Variants in NRXN2 observed in about 807,000 individuals in gnomAD.
NRXN2 encodes the protein neurexin-2-beta.
In NRXN2, 29 loss-of-function variants were observed where a neutral mutation model predicts 128.8. The observed-to-expected ratio is 0.23, with a 90% CI of 0.17 to 0.31. NRXN2 has a LOEUF of 0.31. Among genes scored for constraint, NRXN2 ranks in the 10% least tolerant of loss-of-function variants. NRXN2 has a pLI of 1.00. For synonymous variants in NRXN2, 1,098 were observed against 1,075.2 expected (o/e 1.02, Z -0.41); for missense variants, 1,881 against 2,452.6 (o/e 0.77, Z 4.92).
chr11:64,636,766 T>C (rs1451241035), intron 17 of NRXN2, among the ~76,000 whole-genome samples: 1 of 151,124 alleles, frequency 6.6e-6, no homozygotes, highest in East Asian at 2.0e-4. Context: ...CCTGCAGCAC[T>C]TCTAAGGAGC....
At chr11:64,672,273 T>C (rs2050735609) in intron 7 of NRXN2, among the ~76,000 whole-genome samples, 1 of 152,236 alleles carries the variant, frequency 6.6e-6, no homozygotes, top group Non-Finnish European at 1.5e-5. Context: ...GCACCTCCCC[T>C]GTGGCAGGCT....
chr11:64,611,679 C>T (rs2040664326), intron 22 of NRXN2, among the ~76,000 whole-genome samples: 1 of 152,232 alleles, frequency 6.6e-6, no homozygotes, highest in African/African-American at 2.4e-5. Flanking sequence ...GACACACAGG[C>T]TCCTCGGGTC....
At chr11:64,639,722 T>A (rs2045369350) in intron 17 of NRXN2, among the ~76,000 whole-genome samples, 1 of 151,546 alleles carries the variant, frequency 6.6e-6, no homozygotes, top group Non-Finnish European at 1.5e-5. Flanking sequence ...GGGGATGGTG[T>A]GAAGAGAAGA....
chr11:64,680,311 A>C (rs1047331237), intron 6 of NRXN2, among the ~76,000 whole-genome samples: 1 of 152,178 alleles, frequency 6.6e-6, no homozygotes, highest in African/African-American at 2.4e-5. Context: ...TGAGTAAGAG[A>C]AGCTCAGGAC....
At position 64,721,038 on chromosome 11, in the gene NRXN2, A is replaced by G. The variant is rs1444410281; in HGVS notation, c.-245+1933T>C. Among the ~76,000 whole-genome samples the G allele has an allele frequency of 2.6e-5, 4 of 152,028 alleles. No individual in the cohort carries two copies. In the East Asian group the frequency reaches 7.8e-4, roughly 29 times the overall value. On this transcript the variant is annotated intron_variant, in intron 1 of 22. Coordinates refer to ENST00000265459, the MANE Select transcript of NRXN2 (RefSeq NM_015080.4). ...TGTGTGTGTTGTGTACATGGCAGCA[A>G]GGCACCTGGGGGAGGTCTCAAGGAG...
rs977387199 is a variant in NRXN2, at chr11:64,713,882, AGGCGGCGGCGGC to A, written c.-195_-184del. ...AGAGGCCCAGATGCCGGCTTCCCTC[AGGCGGCGGCGGC>A]GGCGCCCCTCCCCCGCCGCGGGCTC... On this transcript the variant is annotated 5_prime_UTR_variant, in exon 2 of 23. Transcript: ENST00000265459. 4.9e-6 allele frequency: 1 copy of A among 202,578 alleles called. No individual in the cohort carries two copies. 12.5% of individuals were successfully genotyped at this position (202,578 alleles called of 1,614,324 possible). A position where few individuals can be genotyped will look rare whatever the true frequency, so the allele number is the denominator to read the frequency against.
chr11:64,652,020 G>A lies in NRXN2; in HGVS notation c.2536+15C>T. ...ACTGGAGATGTGTCCACCTCCCTGG[G>A]CCCAGACCACCTACCCTCCACAGTC... is the stretch of plus-strand genomic sequence containing the variant. On this transcript the variant is annotated intron_variant, in intron 13 of 22. Coordinates refer to ENST00000265459, the MANE Select transcript of NRXN2 (RefSeq NM_015080.4). The A allele has an allele frequency of 6.2e-7, 1 of 1,609,736 alleles. No homozygotes were observed.
chr11:64,671,130 C>T (rs1362415524), intron 7 of NRXN2, among the ~76,000 whole-genome samples: 1 of 152,200 alleles, frequency 6.6e-6, no homozygotes, highest in Non-Finnish European at 1.5e-5. Flanking sequence ...AGATCACTCC[C>T]ATGTGCTCCC....
intron 17 of NRXN2, among the ~76,000 whole-genome samples, chr11:64,636,947 G>T (rs1267811148): frequency 6.6e-6 from 1 of 152,164 alleles, no homozygotes; most frequent in Non-Finnish European, 1.5e-5. Flanking sequence ...GGGAGGGGCT[G>T]CCTGAGTGCT....
At chr11:64,685,313 T>C (rs1168400631) in intron 6 of NRXN2, among the ~76,000 whole-genome samples, 1 of 152,090 alleles carries the variant, frequency 6.6e-6, no homozygotes, top group Non-Finnish European at 1.5e-5. Flanking sequence ...ATCTCCTGAA[T>C]TGCCCTCCTG....
At position 64,685,758 on chromosome 11, in the gene NRXN2, C is replaced by T; in HGVS notation, c.1040G>A (p.Trp347Ter). 1 of 1,614,238 alleles carries T rather than the reference C, an allele frequency of 6.2e-7. No individual in the cohort carries two copies. Among genetic ancestry groups the T allele is most frequent in the Non-Finnish European group, 8.5e-7 (1 of 1,180,032 alleles). The change falls in exon 6 of 23, where the codon TGG becomes TAG. Residue 347 changes from tryptophan (W) to a stop codon, truncating the protein, a stop_gained. Coordinates refer to ENST00000265459, the MANE Select transcript of NRXN2 (RefSeq NM_015080.4). LOFTEE classifies it high-confidence loss of function. The part of the protein sequence containing the change: ...VNLSLKSGAV[W>*]LVINLGSGAF... ...ACCTGAGCCTAGGTTGATGACCAGCCAGACAGCCCCAGACTTGAGGGACAG... is the reference window on the plus strand; with the variant it reads ...ACCTGAGCCTAGGTTGATGACCAGCTAGACAGCCCCAGACTTGAGGGACAG...
rs767424518 is a variant in NRXN2 at position 64,608,012 on chromosome 11, G to A, written c.4323C>T (p.Pro1441=). The A allele has an allele frequency of 9.7e-6, 15 of 1,548,656 alleles. No homozygotes were observed. The East Asian group carries it at 1.1e-4, about 12-fold the overall frequency. The change falls in exon 23 of 23, where the codon CCC becomes CCT. Residue 1441 remains proline (P), a synonymous_variant. Transcript: ENST00000265459. ...LDPPPVATRS[P]FVPPPPTFYP... ...AGAAGGTAGGGGGCGGGGGCACGAA[G>A]GGGGATCGGGTGGCCACGGGAGGGG...
At position 64,648,298 on chromosome 11, in the gene NRXN2, C is replaced by G. The variant is rs2046995438; in HGVS notation, c.3324G>C (p.Gln1108His). The change falls in exon 17 of 23, where the codon CAG becomes CAC. Residue 1108 changes from glutamine to histidine, a missense_variant. Around this residue, in one of 7 missense-constraint regions of NRXN2, gnomAD observed 390 missense variants for 599.6 expected, o/e 0.65. Transcript: ENST00000265459. The surrounding 1 kb of genome is among the most constrained non-coding windows in gnomAD (Gnocchi z 4.1). The part of the protein sequence containing the change: ...TTCTEESCAN[Q>H]GVCLQQWDGF... ...CATCCCACTGCTGCAAGCAGACGCC[C>G]TGGTTGGCACAGGACTCTTCAGTGC... is the stretch of plus-strand genomic sequence containing the variant. 6.2e-7 allele frequency: 1 copy of G among 1,614,116 alleles called. No individual in the cohort carries two copies. Among genetic ancestry groups the G allele is most frequent in the East Asian group, 2.2e-5 (1 of 44,888 alleles).
Position 64,648,864 on chromosome 11 carries a change from G to C in NRXN2, c.3153C>G (p.Asn1051Lys). The change falls in exon 16 of 23, where the codon AAC becomes AAG. Residue 1051 changes from asparagine (N) to lysine (K), a missense_variant. Physicochemically the swap from Asn to Lys is moderately conservative, Grantham distance 94. Coordinates refer to ENST00000265459, the MANE Select transcript of NRXN2 (RefSeq NM_015080.4). The surrounding 1 kb of genome is among the most constrained non-coding windows in gnomAD (Gnocchi z 4.1). ...IGGLSKNMFS[N>K]LPKLVASRDG... Reference sequence around the variant, plus strand: ...CCCGGGAGGCCACCAGCTTGGGCAGGTTGCTGAACATATTCTTGCTCAGAC... The same window carrying C: ...CCCGGGAGGCCACCAGCTTGGGCAGCTTGCTGAACATATTCTTGCTCAGAC... 1 of 1,614,202 alleles carries C rather than the reference G, an allele frequency of 6.2e-7. No homozygotes were observed. The highest frequency in any genetic ancestry group is 1.3e-5 in the African/African-American group (1 of 75,042).
chr11:64,707,384 CAA>C (rs1056912729), intron 2 of NRXN2, among the ~76,000 whole-genome samples: 12 of 78,858 alleles, frequency 1.5e-4, no homozygotes, highest in Non-Finnish European at 7.7e-5. Flanking sequence ...GACTCCGTCT[CAA>C]AAAAAAAAAA....
intron 11 of NRXN2, among the ~76,000 whole-genome samples, chr11:64,655,828 G>A (rs1407049448): frequency 2.0e-5 from 3 of 152,216 alleles, no homozygotes; most frequent in Non-Finnish European, 4.4e-5. Context: ...AGAGTGAGCA[G>A]GAGAAACCCA....
chr11:64,644,015 C>T (rs2135426349), intron 17 of NRXN2, among the ~76,000 whole-genome samples: 1 of 152,004 alleles, frequency 6.6e-6, no homozygotes, highest in Non-Finnish European at 1.5e-5. Flanking sequence ...TCCACGTGCC[C>T]ATATGGGCAC....
chr11:64,688,834 C>G (rs1467467093), intron 5 of NRXN2: 1 of 985,168 alleles, frequency 1.0e-6, no homozygotes, highest in African/African-American at 1.7e-5. Context: ...GCCCAGCTCC[C>G]AGACCTCCTC....
At position 64,723,162 on chromosome 11, in the gene NRXN2, G is replaced by T. The variant is rs1319556546; in HGVS notation, c.-436C>A. ...AGGAGGATGCTCCGCGAGTCAGGGC[G>T]GCTGCTCCCGCCGCCGCATCCCTGC... On this transcript the variant is annotated 5_prime_UTR_variant, in exon 1 of 23. Transcript: ENST00000265459. 1 of 146,952 alleles carries T rather than the reference G, an allele frequency of 6.8e-6. No homozygotes were observed. The highest frequency in any genetic ancestry group is 1.5e-5 in the Non-Finnish European group (1 of 66,546). 9.1% of individuals were successfully genotyped at this position (146,952 alleles called of 1,614,324 possible).
Sources: allele counts gnomAD v4.1 joint callset (sites outside exome capture counted in the v4.1 genomes callset), GRCh38; gene constraint gnomAD v4.1.1; regional missense constraint gnomAD v4.1.1; non-coding constraint Gnocchi (gnomAD v3.1); transcripts MANE v1.5; gene names NCBI Gene and HGNC (gene_info 2026-07-23, HGNC 2026-07-21).